The following ARHGAP12 variants were observed in gnomAD, a reference collection of about 807,000 sequenced individuals.
The protein encoded by ARHGAP12 is rho GTPase-activating protein 12.
Under a neutral mutation model 108.6 loss-of-function variants are expected in ARHGAP12, and 64 were observed. The observed-to-expected ratio is 0.59, with a 90% CI of 0.48 to 0.73. ARHGAP12 has a LOEUF of 0.73. Among genes scored for constraint, ARHGAP12 ranks in the 30% least tolerant of loss-of-function variants. The pLI is 0.00. For synonymous variants in ARHGAP12, 312 were observed against 337.2 expected (o/e 0.93, Z 0.82); for missense variants, 940 against 1,005.9 (o/e 0.93, Z 0.89).
intron 3 of ARHGAP12, among the ~76,000 whole-genome samples, chr10:31,862,468 GT>G (rs372368099): frequency 3.3e-5 from 5 of 152,058 alleles, no homozygotes; most frequent in African/African-American, 1.2e-4. Context: ...ATTGTATTAG[GT>G]TACACAGAAC....
chr10:31,830,847 C>T (rs181372712), intron 10 of ARHGAP12, among the ~76,000 whole-genome samples: 1 of 152,254 alleles, frequency 6.6e-6, no homozygotes, highest in Admixed American at 6.5e-5. Context: ...ATAAAAATAT[C>T]ATTTTCTCTC....
intron 3 of ARHGAP12, among the ~76,000 whole-genome samples, chr10:31,878,174 A>G (rs1331217973): frequency 6.6e-6 from 1 of 151,234 alleles, no homozygotes; most frequent in Non-Finnish European, 1.5e-5. Context: ...AAAAGGTAAA[A>G]GTACCCTTCT....
At chr10:31,825,747 A>C (rs772260626) in intron 11 of ARHGAP12, among the ~76,000 whole-genome samples, 1 of 152,186 alleles carries the variant, frequency 6.6e-6, no homozygotes, top group Non-Finnish European at 1.5e-5. Flanking sequence ...TATAATTTTT[A>C]ATGTTTGCAT....
Position 31,908,720 on chromosome 10 carries a change from T to C in ARHGAP12, c.136A>G (p.Thr46Ala). ...TTGACTTGCCACCAGTCATCATTGGTCTTTTTCACCAAGATGTACCTCTCC... is the reference window on the plus strand; with the variant it reads ...TTGACTTGCCACCAGTCATCATTGGCCTTTTTCACCAAGATGTACCTCTCC... The part of the protein sequence containing the change: ...QGERYILVKK[T>A]NDDWWQVKPD... Residue 46 changes from threonine to alanine, a missense_variant, in exon 3 of 20, where the codon ACC (threonine) becomes GCC (alanine). By Grantham distance (58) the Thr-to-Ala change is moderately conservative. Coordinates refer to ENST00000344936, the MANE Select transcript of ARHGAP12 (RefSeq NM_018287.7). 6.2e-7 allele frequency: 1 copy of C among 1,614,166 alleles called. No homozygotes were observed. Among genetic ancestry groups the C allele is most frequent in the Non-Finnish European group, 8.5e-7 (1 of 1,180,040 alleles).
chr10:31,872,811 G>A (rs978189890), intron 3 of ARHGAP12, among the ~76,000 whole-genome samples: 5 of 152,034 alleles, frequency 3.3e-5, no homozygotes, highest in African/African-American at 7.2e-5. Context: ...AATCTTTTCT[G>A]CCTCATTTAT....
intron 3 of ARHGAP12, among the ~76,000 whole-genome samples, chr10:31,868,529 G>A (rs1271468960): frequency 1.3e-5 from 2 of 152,106 alleles, no homozygotes; most frequent in Non-Finnish European, 2.9e-5. Context: ...TTTTTTCACA[G>A]GAAGTCAATG....
chr10:31,854,137 G>C lies in ARHGAP12; in HGVS notation c.1018C>G (p.Pro340Ala). The stretch of plus-strand genomic sequence containing the variant: ...TCCAACTCTTCTGACCAACCCCTTG[G>C]AGGAGAACCACACTGACTATCTGAC... ...SQSDSQCGSP[P>A]RGWSEELDER... The change falls in exon 5 of 20, where the codon CCA becomes GCA. Residue 340 changes from proline to alanine, a missense_variant. Physicochemically the swap from Pro to Ala is conservative, Grantham distance 27 (BLOSUM62 -1). Transcript: ENST00000344936. 4 of 1,613,884 alleles carry C rather than the reference G, an allele frequency of 2.5e-6. No homozygotes were observed. Among genetic ancestry groups the C allele is most frequent in the Non-Finnish European group, 3.4e-6 (4 of 1,179,918 alleles).
intron 3 of ARHGAP12, among the ~76,000 whole-genome samples, chr10:31,884,868 A>C (rs1428756082): frequency 1.3e-5 from 2 of 152,206 alleles, no homozygotes; most frequent in East Asian, 3.8e-4. Context: ...AGTTGAGCTC[A>C]AAAAACTCAC....
At position 31,810,841 on chromosome 10, in the gene ARHGAP12, G is replaced by A. The variant is rs144742715; in HGVS notation, c.1952-94C>T. The A allele has an allele frequency of 5.6e-4, 506 of 911,528 alleles. 1 individual carries two copies. In the East Asian group the frequency reaches 6.3e-3, roughly 11 times the overall value. The allele number at this position is 911,528 out of a possible 1,614,324, so 56.5% of individuals were successfully genotyped here. ...TCAGAGTGCAACAGAAACATCCAGC[G>A]TAACCAAATATTGTTTAACATGGCC... On this transcript the variant is annotated intron_variant, in intron 15 of 19. Transcript: ENST00000344936.
rs1485384500 is a variant in ARHGAP12 at position 31,861,594 on chromosome 10, T to C, written c.749A>G (p.Lys250Arg). ...SPVYANLQEL[K>R]ISQSALPPLP... ...TGGGGGAAGAGCAGACTGGGATATT[T>C]TCAGTTCTTGAAGGTTAGCATAGAC... Residue 250 changes from lysine to arginine, a missense_variant, in exon 4 of 20, where the codon AAA (lysine) becomes AGA (arginine). Physicochemically the swap from Lys to Arg is conservative, Grantham distance 26. Coordinates refer to ENST00000344936, the MANE Select transcript of ARHGAP12 (RefSeq NM_018287.7). 1 of 1,614,044 alleles carries C rather than the reference T, an allele frequency of 6.2e-7. No homozygotes were observed. Among genetic ancestry groups the C allele is most frequent in the Non-Finnish European group, 8.5e-7 (1 of 1,180,016 alleles).
Position 31,834,680 on chromosome 10 carries a change from T to C in ARHGAP12, c.1387-2880A>G, listed in dbSNP as rs1046635484. Among the ~76,000 whole-genome samples the C allele has an allele frequency of 5.9e-5, 9 of 152,306 alleles. No homozygotes were observed. The East Asian group carries it at 7.7e-4, about 13-fold the overall frequency. ...GTTGGAACCACATCTGTTATGTTCA[T>C]CAATAACCAGTGCCTAGTACTGTAT... On this transcript the variant is annotated intron_variant, in intron 9 of 19. Coordinates refer to ENST00000344936, the MANE Select transcript of ARHGAP12 (RefSeq NM_018287.7).
At position 31,854,081 on chromosome 10, in the gene ARHGAP12, G is replaced by T; in HGVS notation, c.1074C>A (p.Asp358Glu). ...AAGAATGTACCTTTTCATTAGTATA[G>T]TCACTGGTATATAAGGTATGCCCAC... ...DERGHTLYTS[D>E]YTNEKWLKHV... is the part of the protein sequence containing the mutation. Residue 358 changes from aspartate to glutamate, a missense_variant, in exon 5 of 20, where the codon GAC (aspartate) becomes GAA (glutamate). Transcript: ENST00000344936. 6.2e-7 allele frequency: 1 copy of T among 1,609,060 alleles called. No homozygotes were observed. Among genetic ancestry groups the T allele is most frequent in the South Asian group, 1.1e-5 (1 of 89,468 alleles).
intron 3 of ARHGAP12, among the ~76,000 whole-genome samples, chr10:31,881,494 CCA>C (rs1290324461): frequency 4.6e-5 from 7 of 152,136 alleles, no homozygotes; most frequent in African/African-American, 1.7e-4. Flanking sequence ...GAATAGAAGT[CCA>C]CAAAGTTTTG....
At chr10:31,846,023 TAC>T (rs1836450275) in intron 6 of ARHGAP12, among the ~76,000 whole-genome samples, 1 of 152,228 alleles carries the variant, frequency 6.6e-6, no homozygotes, top group Admixed American at 6.5e-5. Flanking sequence ...TTAATATATC[TAC>T]AGTTTCTTGA....
chr10:31,808,866 T>A, intron 18 of ARHGAP12, 115 bp from the exon 19 acceptor site: 1 of 1,380,784 alleles, frequency 7.2e-7, no homozygotes, highest in Non-Finnish European at 1.0e-6. Flanking sequence ...TGGTCACATT[T>A]AAAATGTTTG....
rs1044889756 is a variant in ARHGAP12, at chr10:31,817,774, A to C, written c.1731+14T>G. 10 of 1,539,058 alleles carry C rather than the reference A, an allele frequency of 6.5e-6. 1 individual carries two copies. Among genetic ancestry groups the C allele is most frequent in the Middle Eastern group, 3.6e-4 (2 of 5,560 alleles). ...AGCTCTGAAGTAAAAATTTTACCTA[A>C]GTCAACGACATACCTGATTATTGAT... On this transcript the variant is annotated intron_variant, in intron 13 of 19. Transcript: ENST00000344936.
At chr10:31,857,072 A>C (rs770399131) in intron 4 of ARHGAP12, among the ~76,000 whole-genome samples, 27 of 138,162 alleles carry the variant, frequency 2.0e-4, no homozygotes, top group Admixed American at 6.9e-4. Context: ...TATCTGATTC[A>C]AATCATTCAT....
rs111394509 is a variant in ARHGAP12 at position 31,913,634 on chromosome 10, C to CAA, written c.-110-3073_-110-3072dup. 340 of 92,790 alleles carry CAA rather than the reference C, an allele frequency of 3.7e-3. 3 individuals are homozygous for CAA. Among genetic ancestry groups the CAA allele is most frequent in the African/African-American group, 0.012 (322 of 26,022 alleles). The allele number at this position is 92,790 out of a possible 1,614,324, so 5.7% of individuals were successfully genotyped here. ...CAAGCTAAAGGAAAGCCTGATGCTG[C>CAA]AAAAAAAAAAAAACACGAGTCATCA... On this transcript the variant is annotated intron_variant, in intron 1 of 19. Coordinates refer to ENST00000344936, the MANE Select transcript of ARHGAP12 (RefSeq NM_018287.7).
chr10:31,835,321 C>T (rs1161147248), intron 9 of ARHGAP12, among the ~76,000 whole-genome samples: 1 of 151,812 alleles, frequency 6.6e-6, no homozygotes, highest in African/African-American at 2.4e-5. Flanking sequence ...ACTAAGAAAG[C>T]TTCATAAAAA....
Sources: gnomAD v4.1 joint callset for allele counts (sites outside exome capture counted in the v4.1 genomes callset) on GRCh38, gnomAD v4.1.1 for gene constraint, MANE v1.5 for transcripts, NCBI Gene and HGNC (gene_info 2026-07-23, HGNC 2026-07-21) for gene names.